Variants in SEMA5A observed in about 807,000 individuals in gnomAD.
SEMA5A encodes semaphorin 5A.
SEMA5A carries 55 observed loss-of-function variants against 135.5 expected under a neutral mutation model. The ratio of observed to expected loss-of-function variants is 0.41; its 90% CI spans 0.33 to 0.51. SEMA5A has a LOEUF of 0.51. Among genes scored for constraint, SEMA5A ranks in the 20% least tolerant of loss-of-function variants. The pLI, the probability that SEMA5A is intolerant of heterozygous loss-of-function variation, is 0.37. For synonymous variants in SEMA5A, 580 were observed against 546.5 expected (o/e 1.06, Z -0.85); for missense variants, 1,290 against 1,419.9 (o/e 0.91, Z 1.47).
chr5:9,414,828 T>A (rs969521090), intron 2 of SEMA5A, among the ~76,000 whole-genome samples: 1 of 152,180 alleles, frequency 6.6e-6, no homozygotes, highest in African/African-American at 2.4e-5. Context: ...TGTCTCAGCT[T>A]TATCTGTTAA....
At position 9,224,881 on chromosome 5, in the gene SEMA5A, T is replaced by C; in HGVS notation, c.439A>G (p.Asn147Asp). The C allele has an allele frequency of 6.2e-7, 1 of 1,612,008 alleles. No individual in the cohort carries two copies. Among genetic ancestry groups the C allele is most frequent in the Non-Finnish European group, 8.5e-7 (1 of 1,178,984 alleles). The change falls in exon 8 of 23, where the codon AAC becomes GAC. Residue 147 changes from asparagine to aspartate, a missense_variant. By Grantham distance (23) the Asn-to-Asp change is conservative (BLOSUM62 1). Around this residue, in one of 3 missense-constraint regions of SEMA5A, gnomAD observed 145 missense variants for 212.0 expected, o/e 0.68. Transcript: ENST00000382496. ...TPVCTNRSLSNLTEIHDQISG... is the reference protein window; with the variant it reads ...TPVCTNRSLSDLTEIHDQISG... ...ATCTGATCATGGATCTCAGTCAGGT[T>C]GCTCAACTGTGGGGGAGGATGAGAG...
rs1735758097 is a variant in SEMA5A, at chr5:9,038,199, G to A, written c.*4698C>T. On this transcript the variant is annotated 3_prime_UTR_variant, in exon 23 of 23. Transcript: ENST00000382496. The stretch of plus-strand genomic sequence containing the variant: ...TTTGTACCATATCATAAGTGGTGAA[G>A]AATTTGCATATAGTTAAGGTTATTA... 1.3e-5 allele frequency: 2 copies of A among 152,230 alleles called. No individual in the cohort carries two copies. Among genetic ancestry groups the A allele is most frequent in the African/African-American group, 4.8e-5 (2 of 41,460 alleles). The allele number at this position is 152,230 out of a possible 1,614,324, so 9.4% of individuals were successfully genotyped here. A position where few individuals can be genotyped will look rare whatever the true frequency, so the allele number is the denominator to read the frequency against.
intron 2 of SEMA5A, among the ~76,000 whole-genome samples, chr5:9,414,998 T>C (rs867859148): frequency 2.6e-5 from 4 of 152,218 alleles, no homozygotes; most frequent in Non-Finnish European, 5.9e-5. Flanking sequence ...ATTTCATAGA[T>C]GGGTCTCAAT....
rs568959885 is a variant in SEMA5A at position 9,299,247 on chromosome 5, G to A, written c.270+19125C>T. Reference sequence around the variant, plus strand: ...ATGGGGAATCTCATATTAGAACTGCGGGTAAGAGAGTAGGTGAAGAAGGAG... The same window carrying A: ...ATGGGGAATCTCATATTAGAACTGCAGGTAAGAGAGTAGGTGAAGAAGGAG... On this transcript the variant is annotated intron_variant, in intron 5 of 22. Transcript: ENST00000382496. 1.1e-4 allele frequency among the ~76,000 whole-genome samples: 16 copies of A among 152,244 alleles called. No homozygotes were observed. In the Middle Eastern group the frequency reaches 0.01, roughly 97 times the overall value.
At position 9,122,764 on chromosome 5, in the gene SEMA5A, C is replaced by T; in HGVS notation, c.1673G>A (p.Ser558Asn). The change falls in exon 14 of 23, where the codon AGC (serine) becomes AAC (asparagine). Residue 558 changes from serine to asparagine, a missense_variant. Transcript: ENST00000382496. ...TCGACAGAGGCAGGATCCCACGGCG[C>T]TGCCATCTGTGTGCGTGCAAGGCGT... is the stretch of plus-strand genomic sequence containing the variant. ...PWTPCTHTDG[S>N]AVGSCLCRTR... is the part of the protein sequence containing the mutation. The T allele has an allele frequency of 1.9e-6, 3 of 1,613,636 alleles. No individual in the cohort carries two copies. Among genetic ancestry groups the T allele is most frequent in the Middle Eastern group, 1.7e-4 (1 of 6,060 alleles).
chr5:9,103,977 A>G (rs1739768235), intron 16 of SEMA5A, among the ~76,000 whole-genome samples: 1 of 152,232 alleles, frequency 6.6e-6, no homozygotes, highest in East Asian at 1.9e-4. Flanking sequence ...GAGAAGAGCT[A>G]TAGAAAGACA....
chr5:9,168,672 C>T (rs913515090), intron 11 of SEMA5A, among the ~76,000 whole-genome samples: 6 of 152,210 alleles, frequency 3.9e-5, no homozygotes, highest in African/African-American at 1.4e-4. Context: ...ATGTACACTG[C>T]TTCCAATTTA....
intron 1 of SEMA5A, among the ~76,000 whole-genome samples, chr5:9,521,554 A>C (rs1376806071): frequency 3.9e-5 from 6 of 152,252 alleles, no homozygotes; most frequent in Non-Finnish European, 5.9e-5. Context: ...AAACAACTGT[A>C]CAGGTGAATG....
At chr5:9,393,953 T>C (rs1231047631) in intron 2 of SEMA5A, among the ~76,000 whole-genome samples, 1 of 152,122 alleles carries the variant, frequency 6.6e-6, no homozygotes, top group Non-Finnish European at 1.5e-5. Flanking sequence ...ACAACAGCTA[T>C]ATGCAAAGTA....
At chr5:9,531,631 C>T (rs1194122471) in intron 1 of SEMA5A, among the ~76,000 whole-genome samples, 1 of 152,140 alleles carries the variant, frequency 6.6e-6, no homozygotes, top group Non-Finnish European at 1.5e-5. Context: ...TTGAATTGAA[C>T]CTGCAACATT....
intron 5 of SEMA5A, among the ~76,000 whole-genome samples, chr5:9,303,317 C>T (rs1310882263): frequency 6.6e-6 from 1 of 151,970 alleles, no homozygotes; most frequent in Non-Finnish European, 1.5e-5. Context: ...GGGGTTTCAC[C>T]GTGTTAGCCA....
chr5:9,124,336 G>A (rs929306157), intron 13 of SEMA5A, among the ~76,000 whole-genome samples: 6 of 152,164 alleles, frequency 3.9e-5, no homozygotes, highest in Non-Finnish European at 5.9e-5. Flanking sequence ...TCAGGAGGTG[G>A]CAGTGCTGCT....
At chr5:9,180,739 A>G (rs896001683) in intron 11 of SEMA5A, among the ~76,000 whole-genome samples, 3 of 151,998 alleles carry the variant, frequency 2.0e-5, no homozygotes. Context: ...GCCTTGCCCT[A>G]CTTTTTTTAG....
intron 1 of SEMA5A, among the ~76,000 whole-genome samples, chr5:9,445,248 G>T (rs941026261): frequency 6.6e-6 from 1 of 151,856 alleles, no homozygotes; most frequent in Admixed American, 6.6e-5. Flanking sequence ...CTTTGGAATC[G>T]CTTTTCCCCA....
intron 5 of SEMA5A, among the ~76,000 whole-genome samples, chr5:9,266,955 C>G (rs1749710461): frequency 6.6e-6 from 1 of 152,138 alleles, no homozygotes; most frequent in Non-Finnish European, 1.5e-5. Flanking sequence ...TAAGTATGCA[C>G]CTAATTTAAT....
intron 5 of SEMA5A, among the ~76,000 whole-genome samples, chr5:9,317,601 A>G (rs762925855): frequency 3.3e-5 from 5 of 152,192 alleles, no homozygotes; most frequent in Non-Finnish European, 5.9e-5. Context: ...AAATAATATA[A>G]AATCCTCTCC....
intron 1 of SEMA5A, among the ~76,000 whole-genome samples, chr5:9,486,388 C>T (rs1033545752): frequency 6.6e-6 from 1 of 152,128 alleles, no homozygotes; most frequent in Non-Finnish European, 1.5e-5. Flanking sequence ...ACATGTATAC[C>T]TATGTAACGA....
chr5:9,336,862 C>T (rs865920185), intron 4 of SEMA5A, among the ~76,000 whole-genome samples: 1 of 152,108 alleles, frequency 6.6e-6, no homozygotes, highest in East Asian at 1.9e-4. Context: ...TACATTTGGA[C>T]AAAAAATATA....
At chr5:9,370,605 A>C (rs558789750) in intron 3 of SEMA5A, among the ~76,000 whole-genome samples, 3 of 152,376 alleles carry the variant, frequency 2.0e-5, no homozygotes, top group Admixed American at 2.0e-4. Context: ...AATAATAAAA[A>C]AGATTCAAGA....
Sources: gnomAD v4.1 joint callset for allele counts (sites outside exome capture counted in the v4.1 genomes callset) on GRCh38, gnomAD v4.1.1 for gene constraint, gnomAD v4.1.1 regional missense constraint, MANE v1.5 for transcripts, NCBI Gene and HGNC (gene_info 2026-07-23, HGNC 2026-07-21) for gene names.